The following PRKCE variants were observed in gnomAD, a reference collection of about 807,000 sequenced individuals.
PRKCE encodes protein kinase C epsilon, also known as protein kinase C epsilon type.
A neutral mutation model predicts 85.4 loss-of-function variants in PRKCE; 16 were observed. That is an observed-to-expected ratio of 0.19 (90% CI 0.13 to 0.28). The LOEUF (loss-of-function observed/expected upper bound fraction) is 0.28. PRKCE is among the 10% of genes least tolerant of loss of function. PRKCE has a pLI of 1.00. For synonymous variants in PRKCE, 388 were observed against 371.5 expected (o/e 1.04, Z -0.51); for missense variants, 573 against 975.2 (o/e 0.59, Z 5.49).
intron 2 of PRKCE, among the ~76,000 whole-genome samples, chr2:45,891,382 G>A (rs1313901222): frequency 6.6e-6 from 1 of 152,176 alleles, no homozygotes. Context: ...TGTTGGCAAA[G>A]CACACCCTGC....
chr2:45,924,188 T>C (rs775682880), intron 2 of PRKCE, among the ~76,000 whole-genome samples: 1 of 152,206 alleles, frequency 6.6e-6, no homozygotes, highest in Non-Finnish European at 1.5e-5. Flanking sequence ...AGCAATGGAA[T>C]TGGCTGTTCG....
chr2:45,773,715 C>T (rs917119259), intron 1 of PRKCE, among the ~76,000 whole-genome samples: 6 of 152,226 alleles, frequency 3.9e-5, no homozygotes, highest in Non-Finnish European at 5.9e-5. Flanking sequence ...TCAGAAATGG[C>T]AGGGAGGAGC....
At chr2:45,936,240 C>G (rs143440112) in intron 2 of PRKCE, among the ~76,000 whole-genome samples, 1 of 152,366 alleles carries the variant, frequency 6.6e-6, no homozygotes, top group East Asian at 1.9e-4. Flanking sequence ...TACTCACTTG[C>G]CTTCCTGGTA....
At chr2:45,738,515 C>T (rs949317805) in intron 1 of PRKCE, among the ~76,000 whole-genome samples, 1 of 151,598 alleles carries the variant, frequency 6.6e-6, no homozygotes, top group African/African-American at 2.4e-5. Flanking sequence ...CTGATTTTTG[C>T]AACCAGACGT....
chr2:45,958,812 ATATATTTTTTTTTTTTT>A (rs1701175001), intron 2 of PRKCE, among the ~76,000 whole-genome samples: 2 of 26,788 alleles, frequency 7.5e-5, no homozygotes, highest in African/African-American at 3.7e-4. Flanking sequence ...ATATATATAT[ATATATTTTTTTTTTTTT>A]TTTTTTTTTT....
intron 12 of PRKCE, among the ~76,000 whole-genome samples, chr2:46,147,823 T>C (rs1325177114): frequency 6.6e-6 from 1 of 152,238 alleles, no homozygotes; most frequent in Non-Finnish European, 1.5e-5. Context: ...GAATTGAGTC[T>C]TGAGTCCAGA....
At chr2:45,924,627 G>A (rs1280731848) in intron 2 of PRKCE, among the ~76,000 whole-genome samples, 1 of 152,192 alleles carries the variant, frequency 6.6e-6, no homozygotes, top group Non-Finnish European at 1.5e-5. Flanking sequence ...TTTTGTGATG[G>A]TTGAAAGGGG....
intron 11 of PRKCE, among the ~76,000 whole-genome samples, chr2:46,120,957 T>C (rs1407962709): frequency 1.3e-5 from 2 of 152,220 alleles, no homozygotes; most frequent in African/African-American, 2.4e-5. Context: ...TCACCATGAA[T>C]CTGTGGCACT....
intron 1 of PRKCE, among the ~76,000 whole-genome samples, chr2:45,733,282 TA>T (rs1355772958): frequency 6.6e-6 from 1 of 152,178 alleles, no homozygotes; most frequent in Non-Finnish European, 1.5e-5. Flanking sequence ...GCTCAACAAA[TA>T]TTAGCTCTTG....
intron 1 of PRKCE, among the ~76,000 whole-genome samples, chr2:45,721,473 C>T (rs1680613764): frequency 6.6e-6 from 1 of 152,064 alleles, no homozygotes; most frequent in African/African-American, 2.4e-5. Flanking sequence ...ACGGATGGGG[C>T]TAGGTCAAGA....
chr2:46,157,063 G>A (rs1487563158), intron 13 of PRKCE, among the ~76,000 whole-genome samples: 1 of 152,182 alleles, frequency 6.6e-6, no homozygotes, highest in Admixed American at 6.5e-5. Flanking sequence ...TCTTGCAACA[G>A]GCATATCTTC....
chr2:46,056,334 C>A (rs1370113895), intron 10 of PRKCE, among the ~76,000 whole-genome samples: 2 of 151,680 alleles, frequency 1.3e-5, no homozygotes, highest in South Asian at 4.2e-4. Context: ...AAATGTCTGT[C>A]CCAAAAGACA....
chr2:45,853,047 T>C lies in PRKCE; in HGVS notation c.412+9984T>C, dbSNP rs528354505. ...ATGCTGAGCAGGCACCAGTTCCTAC[T>C]TGATGGAAAACTAAGAAGGAAATGT... On this transcript the variant is annotated intron_variant, in intron 2 of 14. Coordinates refer to ENST00000306156, the MANE Select transcript of PRKCE (RefSeq NM_005400.3). Among the ~76,000 whole-genome samples the C allele has an allele frequency of 3.4e-4, 52 of 152,204 alleles. 1 individual carries two copies. Among genetic ancestry groups the C allele is most frequent in the Non-Finnish European group, 6.3e-4 (43 of 68,028 alleles).
rs776156915 is a variant in PRKCE at position 45,652,419 on chromosome 2, C to G, written c.319C>G (p.Gln107Glu). Residue 107 changes from glutamine to glutamate, a missense_variant, in exon 1 of 15, where the codon CAG becomes GAG. Gln to Glu is a conservative substitution (Grantham distance 29). Coordinates refer to ENST00000306156, the MANE Select transcript of PRKCE (RefSeq NM_005400.3). The surrounding 1 kb of genome is among the most constrained non-coding windows in gnomAD (Gnocchi z 7.7). ...NCTIQFEELLQNGSRHFEDWI... is the reference protein window; with the variant it reads ...NCTIQFEELLENGSRHFEDWI... ...CACCATCCAGTTTGAGGAGCTGCTG[C>G]AGAACGGGAGCCGCCACTTCGAGGA... 1 of 1,603,292 alleles carries G rather than the reference C, an allele frequency of 6.2e-7. No homozygotes were observed. Among genetic ancestry groups the G allele is most frequent in the Admixed American group, 1.7e-5 (1 of 59,392 alleles).
chr2:45,866,777 A>G (rs1347420363), intron 2 of PRKCE, among the ~76,000 whole-genome samples: 1 of 152,268 alleles, frequency 6.6e-6, no homozygotes, highest in East Asian at 1.9e-4. Flanking sequence ...AATAGTCAAC[A>G]TGCGTCCAGG....
chr2:46,011,688 G>T (rs1489590417), intron 10 of PRKCE, among the ~76,000 whole-genome samples: 3 of 152,148 alleles, frequency 2.0e-5, no homozygotes, highest in African/African-American at 7.2e-5. Context: ...TCCTTGAGGA[G>T]ACCTGCAATG....
chr2:45,923,696 T>C (rs777144115), intron 2 of PRKCE, among the ~76,000 whole-genome samples: 1 of 152,074 alleles, frequency 6.6e-6, no homozygotes, highest in Non-Finnish European at 1.5e-5. Context: ...GCACAGACTT[T>C]GTGGTATAGG....
At position 46,065,129 on chromosome 2, in the gene PRKCE, A is replaced by G. The variant is rs1279861833; in HGVS notation, c.1438-21079A>G. Among the ~76,000 whole-genome samples, 4 of 152,330 alleles carry G rather than the reference A, an allele frequency of 2.6e-5. No homozygotes were observed. The East Asian group carries it at 5.8e-4, about 22-fold the overall frequency. ...AATTTACCAAGCTTCTTTTCTGCAA[A>G]CAGGTAAAGGAGGAGGAGACATGGG... On this transcript the variant is annotated intron_variant, in intron 10 of 14. Coordinates refer to ENST00000306156, the MANE Select transcript of PRKCE (RefSeq NM_005400.3).
chr2:45,926,285 G>A (rs889480786), intron 2 of PRKCE, among the ~76,000 whole-genome samples: 8 of 152,208 alleles, frequency 5.3e-5, no homozygotes, highest in Non-Finnish European at 7.3e-5. Context: ...TATGGGCAGA[G>A]GGGGGAATCA....
Sources: allele counts gnomAD v4.1 joint callset (sites outside exome capture counted in the v4.1 genomes callset), GRCh38; gene constraint gnomAD v4.1.1; non-coding constraint Gnocchi (gnomAD v3.1); transcripts MANE v1.5; gene names NCBI Gene and HGNC (gene_info 2026-07-23, HGNC 2026-07-21).